The following CSF3R variants were observed in gnomAD, a reference collection of about 807,000 sequenced individuals.
The protein encoded by CSF3R is colony stimulating factor 3 receptor, also known as granulocyte colony-stimulating factor receptor.
Under a neutral mutation model 84.4 loss-of-function variants are expected in CSF3R, and 52 were observed. The observed-to-expected ratio is 0.62, with a 90% CI of 0.49 to 0.78. The LOEUF is 0.78. Ranked by LOEUF, CSF3R falls within the 30% of genes least tolerant of loss-of-function variation. The pLI is 0.00. For synonymous variants in CSF3R, 384 were observed against 429.1 expected (o/e 0.89, Z 1.30); for missense variants, 890 against 1,055.7 (o/e 0.84, Z 2.17).
chr1:36,479,200 C>T, intron 3 of CSF3R: 1 of 603,536 alleles, frequency 1.7e-6, no homozygotes, highest in South Asian at 1.8e-5. Context: ...CTGCGCCTCA[C>T]TGGCCTTTTC....
At chr1:36,479,384 C>T (rs1458089623) in intron 3 of CSF3R, 49 bp downstream of exon 3, 2 of 1,565,544 alleles carry the variant, frequency 1.3e-6, no homozygotes, top group African/African-American at 1.4e-5. Flanking sequence ...CAATATCTCT[C>T]CTTGTAGCTT....
At position 36,466,705 on chromosome 1, in the gene CSF3R, G is replaced by T. The variant is rs538096821; in HGVS notation, c.2163C>A (p.Pro721=). 42 of 1,614,206 alleles carry T rather than the reference G, an allele frequency of 2.6e-5. No homozygotes were observed. The highest frequency in any genetic ancestry group is 3.5e-5 in the Non-Finnish European group (41 of 1,180,030). ...SHNSSETCGL[P]TLVQTYVLQG... Reference sequence around the variant, plus strand: ...GGAGCACATAGGTCTGGACCAGAGTGGGGAGGCCACAGGTCTCTGAGCTGT... The same window carrying T: ...GGAGCACATAGGTCTGGACCAGAGTTGGGAGGCCACAGGTCTCTGAGCTGT... The change falls in exon 17 of 17, where the codon CCC becomes CCA. Residue 721 remains proline (P), a synonymous_variant. Transcript: ENST00000373106. The surrounding 1 kb of genome is among the most constrained non-coding windows in gnomAD (Gnocchi z 4.6).
At chr1:36,475,703 A>C in intron 3 of CSF3R, 30 bp from the exon 4 acceptor site, 12 of 1,595,266 alleles carry the variant, frequency 7.5e-6, no homozygotes, top group Non-Finnish European at 1.0e-5. Flanking sequence ...GCCAGGAACG[A>C]CGCCTCTGCC....
chr1:36,468,932 G>C, intron 12 of CSF3R: 1 of 552,570 alleles, frequency 1.8e-6, no homozygotes, highest in African/African-American at 1.9e-5. Context: ...TGCCAGGTTT[G>C]CTCCTTGAAT....
intron 6 of CSF3R, 146 bp downstream of exon 6, chr1:36,473,289 C>T (rs967849457): frequency 6.8e-6 from 6 of 877,262 alleles, no homozygotes. Context: ...TCCAGCTGCA[C>T]CTTTCTTTGT....
chr1:36,480,599 A>G (rs1651460272), intron 2 of CSF3R, among the ~76,000 whole-genome samples: 2 of 152,284 alleles, frequency 1.3e-5, no homozygotes, highest in Non-Finnish European at 2.9e-5. Context: ...TTGGTGGCAG[A>G]TCAGTGGGAA....
At chr1:36,475,314 T>G (rs1651056896) in intron 4 of CSF3R, 63 bp downstream of exon 4, 1 of 1,595,818 alleles carries the variant, frequency 6.3e-7, no homozygotes, top group Non-Finnish European at 8.6e-7. Flanking sequence ...GCTGGTAATA[T>G]TCTTATTAGT....
Position 36,467,211 on chromosome 1 carries a change from C to G in CSF3R, c.2040+19G>C. On this transcript the variant is annotated intron_variant, in intron 16 of 16. Coordinates refer to ENST00000373106, the MANE Select transcript of CSF3R (RefSeq NM_000760.4). The surrounding 1 kb of genome is among the most constrained non-coding windows in gnomAD (Gnocchi z 4.1). ...GCCGACATCCCCATCTCATTTCCCT[C>G]TCCCTCCTGGATTCTCACCTCCTCC... 6.2e-7 allele frequency: 1 copy of G among 1,613,298 alleles called. No homozygotes were observed. Among genetic ancestry groups the G allele is most frequent in the Non-Finnish European group, 8.5e-7 (1 of 1,179,202 alleles).
chr1:36,468,805 C>T (rs754685307), intron 12 of CSF3R: 16 of 292,036 alleles, frequency 5.5e-5, no homozygotes, highest in Middle Eastern at 1.2e-3. Context: ...AGGGGATCTG[C>T]CTGCCCTGGC....
intron 3 of CSF3R, among the ~76,000 whole-genome samples, chr1:36,477,852 G>A (rs1244595978): frequency 6.6e-6 from 1 of 151,410 alleles, no homozygotes; most frequent in Non-Finnish European, 1.5e-5. Flanking sequence ...GCCGCCTGCT[G>A]GGCTCACGCC....
intron 10 of CSF3R, 60 bp from the exon 11 acceptor site, chr1:36,469,900 G>A (rs1650600995): frequency 6.4e-7 from 1 of 1,571,830 alleles, no homozygotes; most frequent in Admixed American, 1.8e-5. Flanking sequence ...CCTTGAGCCA[G>A]AAGCCTGGGT....
At chr1:36,479,971 T>C (rs190910403) in intron 2 of CSF3R, 5 of 301,120 alleles carry the variant, frequency 1.7e-5, no homozygotes, top group South Asian at 3.1e-5. Context: ...CAAAGTTACA[T>C]CATCATGTTG....
In CSF3R at chr1:36,480,371, AGT is replaced by A. The variant is rs1427447106; in HGVS notation, c.-20-857_-20-856del. ...ATCAAGTGGGGCACCCGAAGGGTCC[AGT>A]GTGCCCCCAATTTTGGGCACAGACC... On this transcript the variant is annotated intron_variant, in intron 2 of 16. Coordinates refer to ENST00000373106, the MANE Select transcript of CSF3R (RefSeq NM_000760.4). Among the ~76,000 whole-genome samples, 5 of 152,386 alleles carry A rather than the reference AGT, an allele frequency of 3.3e-5. No individual in the cohort carries two copies. The East Asian group carries it at 9.6e-4, about 29-fold the overall frequency.
Position 36,466,537 on chromosome 1 carries a change from C to T in CSF3R, c.2331G>A (p.Leu777=), listed in dbSNP as rs771806663. The change falls in exon 17 of 17, where the codon TTG becomes TTA. Residue 777 remains leucine (L), a synonymous_variant. Transcript: ENST00000373106. This position sits in a 1 kb window ranked among gnomAD's most constrained non-coding sequence, Gnocchi z 4.6. ...YLRCDSTQPL[L]AGLTPSPKSY... is the part of the protein sequence containing the mutation. ...ACTTGGGGCTGGGGGTGAGGCCCGC[C>T]AAGAGGGGCTGAGTGGAGTCACAGC... The T allele has an allele frequency of 6.2e-7, 1 of 1,609,424 alleles. No homozygotes were observed. Among genetic ancestry groups the T allele is most frequent in the South Asian group, 1.1e-5 (1 of 90,806 alleles).
At chr1:36,470,013 C>T (rs774784613) in intron 10 of CSF3R, among the ~76,000 whole-genome samples, 173 bp from the exon 11 acceptor site, 17 of 152,292 alleles carry the variant, frequency 1.1e-4, no homozygotes, top group Non-Finnish European at 2.2e-4. Context: ...ATAAAAGTTC[C>T]TAACTCATAG....
In CSF3R at chr1:36,472,151, A is replaced by G. The variant is rs778668857; in HGVS notation, c.998-12T>C. On this transcript the variant is annotated splice_polypyrimidine_tract_variant and intron_variant, in intron 8 of 16. Transcript: ENST00000373106. This position sits in a 1 kb window ranked among gnomAD's most constrained non-coding sequence, Gnocchi z 5.0. The stretch of plus-strand genomic sequence containing the variant: ...TCTGACAGTGGGGGCTGTGGATGGA[A>G]CAAGAAGAGGGGGTGCCAGTTGGGG... 6.2e-7 allele frequency: 1 copy of G among 1,613,996 alleles called. No individual in the cohort carries two copies. Among genetic ancestry groups the G allele is most frequent in the South Asian group, 1.1e-5 (1 of 91,082 alleles).
At chr1:36,474,664 C>G (rs1296872595) in intron 4 of CSF3R, among the ~76,000 whole-genome samples, 1 of 151,972 alleles carries the variant, frequency 6.6e-6, no homozygotes, top group Non-Finnish European at 1.5e-5. Flanking sequence ...TTCCTTATGC[C>G]TCAGCTTGGC....
rs1049752899 is a variant in CSF3R at position 36,467,035 on chromosome 1, C to G, written c.2040+195G>C. 8.1e-6 allele frequency: 11 copies of G among 1,355,584 alleles called. No homozygotes were observed. The highest frequency in any genetic ancestry group is 3.9e-5 in the Admixed American group (2 of 51,242). The allele number at this position is 1,355,584 out of a possible 1,614,324, so 84.0% of individuals were successfully genotyped here. A position where few individuals can be genotyped will look rare whatever the true frequency, so the allele number is the denominator to read the frequency against. ...TTCAGACTCAGCATGGTCAGTTTTTCCATATCACAGGGAGGTGACTGAGGC... is the reference window on the plus strand; with the variant it reads ...TTCAGACTCAGCATGGTCAGTTTTTGCATATCACAGGGAGGTGACTGAGGC... On this transcript the variant is annotated intron_variant, in intron 16 of 16. Transcript: ENST00000373106. This position sits in a 1 kb window ranked among gnomAD's most constrained non-coding sequence, Gnocchi z 4.1.
At chr1:36,468,344 C>T (rs1484733160) in intron 12 of CSF3R, 123 bp from the exon 13 acceptor site, 5 of 1,003,722 alleles carry the variant, frequency 5.0e-6, no homozygotes, top group South Asian at 1.8e-5. Context: ...GGACTCATGC[C>T]CAAGCCTCAT....
Sources: allele counts gnomAD v4.1 joint callset (sites outside exome capture counted in the v4.1 genomes callset), GRCh38; gene constraint gnomAD v4.1.1; non-coding constraint Gnocchi (gnomAD v3.1); transcripts MANE v1.5; gene names NCBI Gene and HGNC (gene_info 2026-07-23, HGNC 2026-07-21).